Variants in MTPAP observed in about 807,000 individuals in gnomAD.
The protein encoded by MTPAP is mitochondrial poly(A) polymerase.
In MTPAP, 23 loss-of-function variants were observed where a neutral mutation model predicts 48.7. That is an observed-to-expected ratio of 0.47 (90% CI 0.34 to 0.67). MTPAP has a LOEUF of 0.67. Ranked by LOEUF, MTPAP falls within the 30% of genes least tolerant of loss-of-function variation. The probability of loss-of-function intolerance (pLI) is 0.01; values close to 1 mark genes in which losing one functional copy is unlikely to be tolerated. For missense variants in MTPAP, 614 were observed against 694.3 expected, an observed-to-expected ratio of 0.88 and a Z score of 1.30; for synonymous variants, 257 against 254.1, an observed-to-expected ratio of 1.01 and a Z score of -0.11.
At position 30,348,503 on chromosome 10, in the gene MTPAP, G is replaced by A. The variant is rs16931402; in HGVS notation, c.157+616C>T. Among the ~76,000 whole-genome samples, 1,111 of 152,298 alleles carry A rather than the reference G, an allele frequency of 7.3e-3. 10 individuals carry two copies. Among genetic ancestry groups the A allele is most frequent in the African/African-American group, 0.025 (1,045 of 41,556 alleles). On this transcript the variant is annotated intron_variant, in intron 1 of 8. Coordinates refer to ENST00000263063, the MANE Select transcript of MTPAP (RefSeq NM_018109.4). ...CACAAGCTCTTGAGTCACAAGAGAG[G>A]TTCAATAACACTGGCTTCTCAATAC...
At chr10:30,343,174 C>G (rs1415148568) in intron 1 of MTPAP, among the ~76,000 whole-genome samples, 1 of 152,064 alleles carries the variant, frequency 6.6e-6, no homozygotes, top group Non-Finnish European at 1.5e-5. Flanking sequence ...CAAGGCCAGA[C>G]GCGGTGGCTC....
intron 1 of MTPAP, among the ~76,000 whole-genome samples, chr10:30,345,396 G>C (rs1213622879): frequency 6.6e-6 from 1 of 152,186 alleles, no homozygotes; most frequent in Non-Finnish European, 1.5e-5. Context: ...TGTATGCAAT[G>C]TCTTTGCACA....
chr10:30,319,998 C>A (rs111589691), intron 6 of MTPAP, among the ~76,000 whole-genome samples: 1 of 152,256 alleles, frequency 6.6e-6, no homozygotes, highest in Non-Finnish European at 1.5e-5. Context: ...CTCAACAGGT[C>A]ATTTAAAATC....
intron 5 of MTPAP, 103 bp from the exon 6 acceptor site, chr10:30,322,720 C>T: frequency 1.2e-6 from 1 of 804,448 alleles, no homozygotes; most frequent in Non-Finnish European, 2.1e-6. Context: ...CCTACTATAT[C>T]TGAATGTATT....
At position 30,312,686 on chromosome 10, in the gene MTPAP, G is replaced by T. The variant is rs1840610378; in HGVS notation, c.*923C>A. 1.3e-5 allele frequency: 2 copies of T among 151,986 alleles called. No individual in the cohort carries two copies. Among genetic ancestry groups the T allele is most frequent in the South Asian group, 4.1e-4 (2 of 4,830 alleles). The allele number at this position is 151,986 out of a possible 1,614,324, so 9.4% of individuals were successfully genotyped here. ...GCACGGGCTCCACAGGACTGAAGGA[G>T]TTCAGTGTGTGCAGATCTGGGTGTA... On this transcript the variant is annotated 3_prime_UTR_variant, in exon 9 of 9. Transcript: ENST00000263063.
intron 1 of MTPAP, among the ~76,000 whole-genome samples, chr10:30,343,266 T>C (rs1393044139): frequency 6.6e-6 from 1 of 151,798 alleles, no homozygotes; most frequent in Admixed American, 6.6e-5. Flanking sequence ...CTGCCCAAAT[T>C]AGCCAGGCGT....
Position 30,349,261 on chromosome 10 carries a change from G to C in MTPAP, c.15C>G (p.Gly5=), listed in dbSNP as rs1236158869. The C allele has an allele frequency of 1.3e-6, 2 of 1,486,172 alleles. No individual in the cohort carries two copies. Among genetic ancestry groups the C allele is most frequent in the African/African-American group, 3.1e-5 (2 of 64,536 alleles). 92.1% of individuals were successfully genotyped at this position (1,486,172 alleles called of 1,614,324 possible). ...GGTTCAAACGGGTCAAGAGCCCCAC[G>C]CCGGGAACCGCCATTGCTAAAAAAA... MAVP[G]VGLLTRLNLC... Residue 5 remains glycine, a synonymous_variant, in exon 1 of 9, where the codon GGC becomes GGG. Coordinates refer to ENST00000263063, the MANE Select transcript of MTPAP (RefSeq NM_018109.4).
rs749779317 is a variant in MTPAP at position 30,313,634 on chromosome 10, T to C, written c.1724A>G (p.Lys575Arg). ...TCATGTCTGAGTACTAATTGTTCTC[T>C]TCCCACTGGTTTTTGTGAAATTTTC... The part of the protein sequence containing the change: ...RTENFTKTSG[K>R]RTISTQT The change falls in exon 9 of 9, where the codon AAG becomes AGG. Residue 575 changes from lysine to arginine, a missense_variant. This residue lies in a region of MTPAP where 109 missense variants were observed against 100.5 expected (regional missense o/e 1.08). Coordinates refer to ENST00000263063, the MANE Select transcript of MTPAP (RefSeq NM_018109.4). The C allele has an allele frequency of 2.5e-6, 4 of 1,614,208 alleles. No homozygotes were observed. The Admixed American group carries it at 5.0e-5, about 20-fold the overall frequency.
chr10:30,320,768 C>G (rs1840715452), intron 6 of MTPAP, among the ~76,000 whole-genome samples: 1 of 152,124 alleles, frequency 6.6e-6, no homozygotes, highest in Non-Finnish European at 1.5e-5. Flanking sequence ...ACTTGTAAGA[C>G]TGAAGGGAGC....
intron 5 of MTPAP, among the ~76,000 whole-genome samples, chr10:30,323,761 C>T (rs561326814): frequency 3.9e-4 from 60 of 152,336 alleles, no homozygotes; most frequent in East Asian, 2.7e-3. Context: ...CCACTCGCCT[C>T]GGCCTCCCAA....
intron 4 of MTPAP, among the ~76,000 whole-genome samples, chr10:30,333,105 A>G (rs1301214255): frequency 1.3e-5 from 2 of 152,056 alleles, no homozygotes; most frequent in African/African-American, 4.8e-5. Flanking sequence ...TGGGAGACAG[A>G]GCAAGACTCT....
intron 4 of MTPAP, among the ~76,000 whole-genome samples, chr10:30,332,614 T>G (rs1834682595): frequency 6.6e-6 from 1 of 152,174 alleles, no homozygotes; most frequent in Admixed American, 6.5e-5. Flanking sequence ...AATTGTTTAG[T>G]AAGACTGGAG....
intron 6 of MTPAP, among the ~76,000 whole-genome samples, chr10:30,316,850 A>C (rs1448712933): frequency 6.6e-6 from 1 of 152,038 alleles, no homozygotes; most frequent in Non-Finnish European, 1.5e-5. Context: ...AGATCACATC[A>C]CTGTTGCCTG....
At chr10:30,336,209 G>T (rs1444137289) in intron 4 of MTPAP, among the ~76,000 whole-genome samples, 1 of 151,888 alleles carries the variant, frequency 6.6e-6, no homozygotes, top group Non-Finnish European at 1.5e-5. Flanking sequence ...TATAAAGGCT[G>T]AAAATAAAGA....
chr10:30,328,883 G>C (rs1238834254), intron 4 of MTPAP, among the ~76,000 whole-genome samples: 1 of 152,112 alleles, frequency 6.6e-6, no homozygotes, highest in Non-Finnish European at 1.5e-5. Flanking sequence ...CAGAGAGAGA[G>C]AGCAATAAAT....
At chr10:30,314,892 A>C (rs1249611773) in intron 8 of MTPAP, among the ~76,000 whole-genome samples, 2,465 of 145,516 alleles carry the variant, frequency 0.017, 36 homozygotes, top group African/African-American at 0.047. Flanking sequence ...AACAAAAAAA[A>C]AAAAAAAAAA....
At chr10:30,338,065 C>T (rs933817313) in intron 3 of MTPAP, among the ~76,000 whole-genome samples, 3 of 151,808 alleles carry the variant, frequency 2.0e-5, no homozygotes, top group African/African-American at 7.3e-5. Flanking sequence ...TGAGACCAGC[C>T]TGGGCAACGT....
At chr10:30,316,913 A>AATAC (rs1840669649) in intron 6 of MTPAP, among the ~76,000 whole-genome samples, 1 of 151,234 alleles carries the variant, frequency 6.6e-6, no homozygotes, top group Admixed American at 6.6e-5. Context: ...AAACAAAACA[A>AATAC]ATTTAAGTAA....
At chr10:30,322,157 C>T (rs1840733027) in intron 6 of MTPAP, among the ~76,000 whole-genome samples, 1 of 152,100 alleles carries the variant, frequency 6.6e-6, no homozygotes, top group Admixed American at 6.6e-5. Context: ...AGCTATCTCA[C>T]AACTGCTGTA....
Sources: allele counts gnomAD v4.1 joint callset (sites outside exome capture counted in the v4.1 genomes callset), GRCh38; gene constraint gnomAD v4.1.1; regional missense constraint gnomAD v4.1.1; transcripts MANE v1.5; gene names NCBI Gene and HGNC (gene_info 2026-07-23, HGNC 2026-07-21).